CYP19A1: variants seen among roughly 807,000 people sequenced by gnomAD.
The protein encoded by CYP19A1 is cytochrome P450 family 19 subfamily A member 1.
In CYP19A1, 32 loss-of-function variants were observed where a neutral mutation model predicts 44.4. That is an observed-to-expected ratio of 0.72 (90% CI 0.54 to 0.97). The LOEUF (loss-of-function observed/expected upper bound fraction) is 0.97. Ranked by LOEUF, CYP19A1 falls within the 50% of genes least tolerant of loss-of-function variation. CYP19A1 has a pLI of 0.00. For synonymous variants in CYP19A1, 212 were observed against 215.6 expected (o/e 0.98, Z 0.14); for missense variants, 598 against 637.8 (o/e 0.94, Z 0.67).
chr15:51,276,447 C>G (rs2035314072), intron 1 of CYP19A1, among the ~76,000 whole-genome samples: 2 of 152,198 alleles, frequency 1.3e-5, no homozygotes, highest in African/African-American at 4.8e-5. Context: ...GTTACCATAC[C>G]TTTGCTTTCA....
chr15:51,264,695 G>A (rs2034853896), intron 1 of CYP19A1, among the ~76,000 whole-genome samples: 1 of 152,196 alleles, frequency 6.6e-6, no homozygotes, highest in South Asian at 2.1e-4. Context: ...GATGCAGCTG[G>A]GGAAACAGGG....
intron 2 of CYP19A1, chr15:51,242,082 T>C (rs767498900): frequency 6.5e-6 from 1 of 153,776 alleles, no homozygotes; most frequent in African/African-American, 2.4e-5. Flanking sequence ...AAGGGTGGGG[T>C]TTTCTATTGG....
At chr15:51,294,544 C>G (rs577773121) in intron 1 of CYP19A1, among the ~76,000 whole-genome samples, 1 of 150,292 alleles carries the variant, frequency 6.7e-6, no homozygotes, top group Non-Finnish European at 1.5e-5. Context: ...AAGTGAGGAG[C>G]GTCTCCGCCC....
chr15:51,232,329 C>T (rs1277801193), intron 3 of CYP19A1, among the ~76,000 whole-genome samples: 1 of 152,168 alleles, frequency 6.6e-6, no homozygotes, highest in Non-Finnish European at 1.5e-5. Flanking sequence ...TGGTATTTGA[C>T]ATGGTTCACA....
intron 1 of CYP19A1, among the ~76,000 whole-genome samples, chr15:51,294,481 T>C (rs868538324): frequency 5.2e-4 from 50 of 96,390 alleles, no homozygotes; most frequent in East Asian, 1.2e-3. Flanking sequence ...GCCCGGCAGC[T>C]GCCCCGTCTG....
At chr15:51,211,147 G>T in intron 9 of CYP19A1, 91 bp from the exon 10 acceptor site, 1 of 871,610 alleles carries the variant, frequency 1.1e-6, no homozygotes, top group Non-Finnish European at 1.9e-6. Flanking sequence ...GGGTCAGTCA[G>T]AACACTGTTT....
chr15:51,328,541 G>C (rs1308433249), intron 1 of CYP19A1, among the ~76,000 whole-genome samples: 1 of 137,384 alleles, frequency 7.3e-6, no homozygotes, highest in Non-Finnish European at 1.5e-5. Context: ...TGAGTTACAG[G>C]GCAGGGGTGT....
chr15:51,210,797 A>T lies in CYP19A1; in HGVS notation c.*11T>A, dbSNP rs765647512. 1 of 1,540,720 alleles carries T rather than the reference A, an allele frequency of 6.5e-7. No individual in the cohort carries two copies. Among genetic ancestry groups the T allele is most frequent in the Admixed American group, 1.7e-5 (1 of 59,948 alleles). On this transcript the variant is annotated 3_prime_UTR_variant, in exon 10 of 10. Coordinates refer to ENST00000396402, the MANE Select transcript of CYP19A1 (RefSeq NM_000103.4). Reference sequence around the variant, plus strand: ...GAGAAATGCTCCAGAGTGGGTACTGACCAGCCTTCTCTAGTGTTCCAGACA... The same window carrying T: ...GAGAAATGCTCCAGAGTGGGTACTGTCCAGCCTTCTCTAGTGTTCCAGACA...
At chr15:51,256,329 G>A (rs1202170590) in intron 1 of CYP19A1, among the ~76,000 whole-genome samples, 1 of 152,164 alleles carries the variant, frequency 6.6e-6, no homozygotes, top group Admixed American at 6.5e-5. Flanking sequence ...CTCAAACCAG[G>A]TTTAACAGCC....
chr15:51,219,254 G>A (rs1008770581), intron 5 of CYP19A1, among the ~76,000 whole-genome samples: 2 of 152,106 alleles, frequency 1.3e-5, no homozygotes, highest in African/African-American at 4.8e-5. Context: ...TTCATCTTGT[G>A]TTCTTTAATG....
At chr15:51,238,888 G>A (rs1383284700) in intron 2 of CYP19A1, among the ~76,000 whole-genome samples, 1 of 152,168 alleles carries the variant, frequency 6.6e-6, no homozygotes, top group Non-Finnish European at 1.5e-5. Flanking sequence ...ACTAAAATTA[G>A]GGACTGGAGA....
intron 1 of CYP19A1, among the ~76,000 whole-genome samples, chr15:51,265,373 T>C (rs1342336131): frequency 6.6e-6 from 1 of 152,210 alleles, no homozygotes; most frequent in Non-Finnish European, 1.5e-5. Context: ...ATAAATATTT[T>C]GAGTTTCAAA....
intron 1 of CYP19A1, among the ~76,000 whole-genome samples, chr15:51,285,884 G>A (rs1477697764): frequency 1.3e-5 from 2 of 152,034 alleles, no homozygotes; most frequent in South Asian, 2.1e-4. Flanking sequence ...GCCAGACTTC[G>A]TCACCACCAA....
intron 1 of CYP19A1, among the ~76,000 whole-genome samples, chr15:51,269,624 C>T (rs780900087): frequency 2.2e-4 from 33 of 152,254 alleles, no homozygotes; most frequent in Non-Finnish European, 4.1e-4. Context: ...CCACCATGTT[C>T]ACAGAAAGGC....
At chr15:51,223,553 C>CCT (rs138333568) in intron 4 of CYP19A1, among the ~76,000 whole-genome samples, 5 of 136,914 alleles carry the variant, frequency 3.7e-5, no homozygotes, top group African/African-American at 8.0e-5. Context: ...AGAAGACTAT[C>CCT]CTCTCTCTCT....
chr15:51,223,591 TCTCA>T (rs1242661585), intron 4 of CYP19A1, among the ~76,000 whole-genome samples: 22 of 56,984 alleles, frequency 3.9e-4, no homozygotes, highest in African/African-American at 8.5e-4. Context: ...TCTCTCTCTC[TCTCA>T]CACACACACA....
At chr15:51,290,408 GC>G in intron 1 of CYP19A1, among the ~76,000 whole-genome samples, 1 of 152,160 alleles carries the variant, frequency 6.6e-6, no homozygotes, top group Non-Finnish European at 1.5e-5. Context: ...AACAGTAAGA[GC>G]CCTTTTTTAT....
At chr15:51,284,650 G>C (rs897521289) in intron 1 of CYP19A1, among the ~76,000 whole-genome samples, 1 of 152,176 alleles carries the variant, frequency 6.6e-6, no homozygotes, top group African/African-American at 2.4e-5. Context: ...ATTGCATTTA[G>C]CTTTATTAAC....
At chr15:51,243,382 AG>A (rs1380378863) in intron 1 of CYP19A1, among the ~76,000 whole-genome samples, 4 of 152,228 alleles carry the variant, frequency 2.6e-5, no homozygotes, top group Non-Finnish European at 5.9e-5. Context: ...CAAAACAAAA[AG>A]GCAATCTCCC....
Sources: gnomAD v4.1 joint callset for allele counts (sites outside exome capture counted in the v4.1 genomes callset) on GRCh38, gnomAD v4.1.1 for gene constraint, MANE v1.5 for transcripts, NCBI Gene and HGNC (gene_info 2026-07-23, HGNC 2026-07-21) for gene names.